Variants in NAT1 observed in about 807,000 individuals in gnomAD.
NAT1 encodes N-acetyltransferase 1.
For missense variants in NAT1, 400 were observed against 339.2 expected (o/e 1.18, Z -1.41); for synonymous variants, 144 against 122.6 (o/e 1.17, Z -1.16).
intron 2 of NAT1, among the ~76,000 whole-genome samples, chr8:18,176,121 G>A (rs961674423): frequency 2.0e-5 from 3 of 151,998 alleles, no homozygotes; most frequent in Non-Finnish European, 4.4e-5. Context: ...CTTATCAGAT[G>A]TATGGCTTGT....
chr8:18,202,069 C>G (rs1051773301), intron 2 of NAT1, among the ~76,000 whole-genome samples: 2 of 152,182 alleles, frequency 1.3e-5, no homozygotes, highest in Admixed American at 1.3e-4. Flanking sequence ...GTAAGCGCAT[C>G]TCTCTCTCTG....
chr8:18,204,212 T>C (rs1011455990), intron 2 of NAT1, among the ~76,000 whole-genome samples: 1 of 151,986 alleles, frequency 6.6e-6, no homozygotes, highest in African/African-American at 2.4e-5. Flanking sequence ...CCATATCCTT[T>C]TTCTGTCTAT....
intron 2 of NAT1, among the ~76,000 whole-genome samples, chr8:18,199,406 C>G (rs549894983): frequency 1.6e-4 from 25 of 151,940 alleles, no homozygotes; most frequent in African/African-American, 5.8e-4. Context: ...CCATTTCCTT[C>G]CATGCCTGTT....
chr8:18,174,508 A>T (rs1802214595), intron 2 of NAT1, among the ~76,000 whole-genome samples: 1 of 152,090 alleles, frequency 6.6e-6, no homozygotes, highest in Non-Finnish European at 1.5e-5. Context: ...AGAGGAAGGC[A>T]CCACAGGTCA....
At chr8:18,201,484 A>T (rs951166102) in intron 2 of NAT1, among the ~76,000 whole-genome samples, 1 of 152,006 alleles carries the variant, frequency 6.6e-6, no homozygotes, top group Non-Finnish European at 1.5e-5. Flanking sequence ...TTAACTTCCT[A>T]ATCTCTGCTG....
chr8:18,189,123 G>A (rs112946013), intron 2 of NAT1, among the ~76,000 whole-genome samples: 1,696 of 151,854 alleles, frequency 0.011, 51 homozygotes, highest in African/African-American at 0.039. Context: ...CACATAAAAT[G>A]CATTATTCAC....
At chr8:18,188,149 G>A (rs1300550119) in intron 2 of NAT1, among the ~76,000 whole-genome samples, 2 of 152,088 alleles carry the variant, frequency 1.3e-5, no homozygotes, top group African/African-American at 4.8e-5. Flanking sequence ...AGAAATAAAG[G>A]ACGCTAAATA....
chr8:18,193,277 C>T (rs1234301746), intron 2 of NAT1, among the ~76,000 whole-genome samples: 1 of 148,952 alleles, frequency 6.7e-6, no homozygotes, highest in Non-Finnish European at 1.5e-5. Context: ...GATGGGGTTT[C>T]CCTGTGTTGG....
intron 2 of NAT1, among the ~76,000 whole-genome samples, chr8:18,203,722 T>C (rs114082666): frequency 0.013 from 1,980 of 152,320 alleles, 46 homozygotes; most frequent in African/African-American, 0.045. Flanking sequence ...CTACCCTTTA[T>C]AGCCGTCCTT....
chr8:18,202,439 G>A (rs1481897735), intron 2 of NAT1, among the ~76,000 whole-genome samples: 2 of 152,204 alleles, frequency 1.3e-5, no homozygotes, highest in East Asian at 3.8e-4. Flanking sequence ...TATTCCTTCT[G>A]GTAGGTTCTT....
chr8:18,203,751 A>G lies in NAT1; in HGVS notation n.93-6030A>G, dbSNP rs554010302. Among the ~76,000 whole-genome samples the G allele has an allele frequency of 2.7e-4, 41 of 152,356 alleles. No homozygotes were observed. In the South Asian group the frequency reaches 8.1e-3, roughly 30 times the overall value. On this transcript the variant is annotated intron_variant and non_coding_transcript_variant, in intron 2 of 4. Coordinates refer to the NAT1 transcript ENST00000517441. ...CGTCCTTGTGATATAGGAGTTAAGA[A>G]GAAATTACTTAGGCAGATAGTAAGG...
intron 2 of NAT1, among the ~76,000 whole-genome samples, chr8:18,181,787 G>T (rs1185231305): frequency 1.3e-5 from 2 of 152,100 alleles, no homozygotes; most frequent in Non-Finnish European, 2.9e-5. Flanking sequence ...CACCATGAAG[G>T]GACGTTGTAT....
At chr8:18,205,900 A>C (rs1344970289), upstream of NAT1, among the ~76,000 whole-genome samples, 1 of 152,088 alleles carries the variant, frequency 6.6e-6, no homozygotes, top group Admixed American at 6.5e-5. Flanking sequence ...CTCAGGTTGG[A>C]CTGGCCCTAT....
chr8:18,175,266 TATTA>T (rs1022670212), intron 2 of NAT1, among the ~76,000 whole-genome samples: 37 of 152,166 alleles, frequency 2.4e-4, no homozygotes, highest in African/African-American at 7.9e-4. Context: ...TATACATTAT[TATTA>T]ATTATGGTCA....
intron 1 of NAT1, chr8:18,217,075 TG>T: frequency 1.1e-6 from 1 of 909,914 alleles, no homozygotes; most frequent in Non-Finnish European, 1.7e-6. Flanking sequence ...GCTGTGAGTC[TG>T]GGGAATTAGT....
intron 2 of NAT1, among the ~76,000 whole-genome samples, chr8:18,186,062 T>G (rs745355602): frequency 6.6e-6 from 1 of 152,190 alleles, no homozygotes; most frequent in East Asian, 1.9e-4. Context: ...CGTTACACGT[T>G]TGGGAACATT....
chr8:18,195,918 G>C (rs900438605), intron 2 of NAT1, among the ~76,000 whole-genome samples: 1 of 148,928 alleles, frequency 6.7e-6, no homozygotes, highest in African/African-American at 2.5e-5. Flanking sequence ...CTTGATGTTA[G>C]ATTAAAAAAA....
intron 2 of NAT1, among the ~76,000 whole-genome samples, chr8:18,196,134 G>A (rs1271973787): frequency 2.0e-5 from 3 of 150,640 alleles, no homozygotes; most frequent in Non-Finnish European, 4.4e-5. Context: ...TTTTTTAATA[G>A]AGACAAGGTC....
At chr8:18,210,985 AG>A (rs1258202437) in intron 1 of NAT1, among the ~76,000 whole-genome samples, 2 of 152,198 alleles carry the variant, frequency 1.3e-5, no homozygotes, top group East Asian at 3.9e-4. Flanking sequence ...TTGTATTTTT[AG>A]TAGCGATGGG....
Sources: allele counts gnomAD v4.1 joint callset (sites outside exome capture counted in the v4.1 genomes callset), GRCh38; gene constraint gnomAD v4.1.1; transcripts MANE v1.5; gene names NCBI Gene and HGNC (gene_info 2026-07-23, HGNC 2026-07-21).